The following HTR1F variants were observed in gnomAD, a reference collection of about 807,000 sequenced individuals.
HTR1F encodes the protein 5-hydroxytryptamine (serotonin) receptor 1F, G protein-coupled.
Under a neutral mutation model 24.0 loss-of-function variants are expected in HTR1F, and 17 were observed. The ratio of observed to expected loss-of-function variants is 0.71; its 90% confidence interval spans 0.48 to 1.06. The LOEUF (loss-of-function observed/expected upper bound fraction) is 1.06, where lower values mean the gene tolerates loss of function less well. Ranked by LOEUF, HTR1F falls within the 50% of genes least tolerant of loss-of-function variation. The pLI, the probability that HTR1F is intolerant of heterozygous loss-of-function variation, is 0.00. For missense variants in HTR1F, 391 were observed against 427.8 expected (o/e 0.91, Z 0.76); for synonymous variants, 186 against 156.8 (o/e 1.19, Z -1.39).
At chr3:87,903,307 G>T (rs1485080626) in intron 2 of HTR1F, among the ~76,000 whole-genome samples, 28 of 149,548 alleles carry the variant, frequency 1.9e-4, no homozygotes, top group African/African-American at 6.4e-4. Flanking sequence ...CTTCTGCACA[G>T]CAAAAGAAAC....
intron 2 of HTR1F, among the ~76,000 whole-genome samples, chr3:87,978,189 T>A (rs1008323139): frequency 6.6e-6 from 1 of 152,066 alleles, no homozygotes; most frequent in Non-Finnish European, 1.5e-5. Context: ...GGGAACATGG[T>A]GGCACTCAGA....
intron 2 of HTR1F, among the ~76,000 whole-genome samples, chr3:87,881,983 A>G (rs1332748842): frequency 6.6e-6 from 1 of 152,204 alleles, no homozygotes; most frequent in Non-Finnish European, 1.5e-5. Flanking sequence ...TAATATCCAG[A>G]ATCTACAATG....
At chr3:87,891,252 A>G (rs1420952269) in intron 2 of HTR1F, among the ~76,000 whole-genome samples, 3 of 152,070 alleles carry the variant, frequency 2.0e-5, no homozygotes, top group Non-Finnish European at 2.9e-5. Context: ...CAAATCTTCA[A>G]AGAGATATCT....
intron 1 of HTR1F, among the ~76,000 whole-genome samples, chr3:87,818,389 C>A (rs1264497808): frequency 6.6e-6 from 1 of 152,138 alleles, no homozygotes; most frequent in Non-Finnish European, 1.5e-5. Context: ...AATTGAAAAA[C>A]CTAAAACATA....
In HTR1F at chr3:87,858,176, A is replaced by C. The variant is rs572472983; in HGVS notation, c.-43+36052A>C. Among the ~76,000 whole-genome samples the C allele has an allele frequency of 2.6e-5, 4 of 152,294 alleles. No individual in the cohort carries two copies. In the East Asian group the frequency reaches 7.7e-4, roughly 29 times the overall value. On this transcript the variant is annotated intron_variant, in intron 2 of 2. Transcript: ENST00000319595. ...AGACAAAGGAGTTTATGGCTTGATA[A>C]ATACTCCCAATCTGTTGAGTGAAAG...
chr3:87,797,185 G>A (rs1703918657), intron 1 of HTR1F, among the ~76,000 whole-genome samples: 1 of 152,148 alleles, frequency 6.6e-6, no homozygotes, highest in Non-Finnish European at 1.5e-5. Context: ...ATGAATTAAA[G>A]TTTATCATAG....
chr3:87,986,078 G>A (rs1431662641), intron 2 of HTR1F, among the ~76,000 whole-genome samples: 2 of 152,098 alleles, frequency 1.3e-5, no homozygotes, highest in African/African-American at 4.8e-5. Flanking sequence ...AATACAGAAT[G>A]CAGTCTATGT....
intron 2 of HTR1F, among the ~76,000 whole-genome samples, chr3:87,878,312 A>G (rs772589175): frequency 3.9e-4 from 60 of 152,196 alleles, no homozygotes; most frequent in East Asian, 1.9e-4. Context: ...TTGGACTGCA[A>G]CAGTGTCCAG....
At chr3:87,959,139 T>C (rs1424846031) in intron 2 of HTR1F, among the ~76,000 whole-genome samples, 1 of 151,792 alleles carries the variant, frequency 6.6e-6, no homozygotes, top group East Asian at 1.9e-4. Context: ...GCAGAAAATA[T>C]TACCATTCTG....
intron 2 of HTR1F, among the ~76,000 whole-genome samples, chr3:87,837,644 A>G (rs1704708349): frequency 6.6e-6 from 1 of 152,176 alleles, no homozygotes. Context: ...GTAGAAATAG[A>G]TGAATATACA....
intron 2 of HTR1F, among the ~76,000 whole-genome samples, chr3:87,886,360 TATGACAA>T (rs1260003795): frequency 6.6e-6 from 1 of 152,158 alleles, no homozygotes; most frequent in Non-Finnish European, 1.5e-5. Context: ...AAGAGCTATT[TATGACAA>T]ACCCACAGCC....
At chr3:87,894,200 C>T (rs1360418551) in intron 2 of HTR1F, among the ~76,000 whole-genome samples, 1 of 152,026 alleles carries the variant, frequency 6.6e-6, no homozygotes, top group African/African-American at 2.4e-5. Context: ...CCCCTGAATC[C>T]GCAAAGTCTG....
intron 2 of HTR1F, among the ~76,000 whole-genome samples, chr3:87,963,849 A>G (rs1277522388): frequency 6.6e-6 from 1 of 152,124 alleles, no homozygotes; most frequent in Non-Finnish European, 1.5e-5. Flanking sequence ...CTGAGTTGTA[A>G]ACCCTTTGGA....
intron 1 of HTR1F, among the ~76,000 whole-genome samples, chr3:87,818,448 C>A (rs966847363): frequency 2.0e-5 from 3 of 152,070 alleles, no homozygotes; most frequent in African/African-American, 7.2e-5. Flanking sequence ...AAGCTACTTG[C>A]AAAGTGAGGC....
rs146139572 is a variant in HTR1F, at chr3:87,821,079, T to C, written c.-159-929T>C. On this transcript the variant is annotated intron_variant, in intron 1 of 2. Coordinates refer to ENST00000319595, the MANE Select transcript of HTR1F (RefSeq NM_001322209.2). ...TTTGATATTTCATACCAGTTGTGCTTTATTCAAGATTTTACTTCTACCTAA... is the reference window on the plus strand; with the variant it reads ...TTTGATATTTCATACCAGTTGTGCTCTATTCAAGATTTTACTTCTACCTAA... Among the ~76,000 whole-genome samples the C allele has an allele frequency of 1.2e-4, 18 of 152,304 alleles. No individual in the cohort carries two copies. The East Asian group carries it at 3.5e-3, about 29-fold the overall frequency.
chr3:87,837,205 G>A (rs1704700793), intron 2 of HTR1F, among the ~76,000 whole-genome samples: 1 of 151,926 alleles, frequency 6.6e-6, no homozygotes, highest in South Asian at 2.1e-4. Context: ...AAGAAGAAAA[G>A]GAATTTAGCT....
intron 2 of HTR1F, among the ~76,000 whole-genome samples, chr3:87,905,664 A>T (rs1703650698): frequency 6.6e-6 from 1 of 151,972 alleles, no homozygotes; most frequent in African/African-American, 2.4e-5. Flanking sequence ...GTTTTGTGTG[A>T]ATGTGAGAGC....
chr3:87,886,318 C>T (rs1416251428), intron 2 of HTR1F, among the ~76,000 whole-genome samples: 3 of 152,102 alleles, frequency 2.0e-5, no homozygotes, highest in Non-Finnish European at 4.4e-5. Context: ...TCTCAATAAA[C>T]TAGGTATTGA....
At chr3:87,910,171 C>T (rs1703747447) in intron 2 of HTR1F, 1 of 151,868 alleles carries the variant, frequency 6.6e-6, no homozygotes, top group African/African-American at 2.4e-5. Context: ...TTTAAGGAAG[C>T]TTTTTATCCC....
Sources: allele counts gnomAD v4.1 joint callset (sites outside exome capture counted in the v4.1 genomes callset), GRCh38; gene constraint gnomAD v4.1.1; transcripts MANE v1.5; gene names NCBI Gene and HGNC (gene_info 2026-07-23, HGNC 2026-07-21).